The following SEMA4G variants were observed in gnomAD, a reference collection of about 807,000 sequenced individuals.
SEMA4G encodes the protein semaphorin 4G, also known as semaphorin-4G.
SEMA4G carries 59 observed loss-of-function variants against 81.2 expected under a neutral mutation model. The ratio of observed to expected loss-of-function variants is 0.73; its 90% CI spans 0.59 to 0.90. SEMA4G has a LOEUF of 0.90. Ranked by LOEUF, SEMA4G falls within the 40% of genes least tolerant of loss-of-function variation. The pLI, the probability that SEMA4G is intolerant of heterozygous loss-of-function variation, is 0.00. For synonymous variants in SEMA4G, 404 were observed against 433.9 expected (o/e 0.93, Z 0.86); for missense variants, 952 against 1,102.3 (o/e 0.86, Z 1.93).
chr10:100,971,347 C>A (rs1310755005), upstream of SEMA4G, among the ~76,000 whole-genome samples: 2 of 152,180 alleles, frequency 1.3e-5, no homozygotes, highest in African/African-American at 2.4e-5. Flanking sequence ...GGGGCATGGC[C>A]GGCTTGCCTG....
intron 12 of SEMA4G, 70 bp downstream of exon 13, chr10:100,981,067 G>A: frequency 6.3e-7 from 1 of 1,599,252 alleles, no homozygotes; most frequent in Non-Finnish European, 8.6e-7. Flanking sequence ...AGCTACTGGG[G>A]GAGTGCAGGG....
At chr10:100,972,113 CA>C (rs1850652492), upstream of SEMA4G, among the ~76,000 whole-genome samples, 1 of 152,158 alleles carries the variant, frequency 6.6e-6, no homozygotes, top group African/African-American at 2.4e-5. Flanking sequence ...ACAAAATAAA[CA>C]AAGGTCCATT....
chr10:100,984,309 T>A, exon 14 of SEMA4G: 4 of 1,438,650 alleles, frequency 2.8e-6, no homozygotes, highest in Non-Finnish European at 3.6e-6. Flanking sequence ...CTCCTCAGTC[T>A]CCACAGACCC....
At chr10:100,981,072 G>A in intron 12 of SEMA4G, 75 bp downstream of exon 13, 1 of 1,599,972 alleles carries the variant, frequency 6.3e-7, no homozygotes, top group Non-Finnish European at 8.6e-7. Flanking sequence ...CTGGGGGAGT[G>A]CAGGGGCTAG....
intron 4 of SEMA4G, 89 bp from the exon 6 acceptor site, chr10:100,978,206 G>A (rs924762062): frequency 3.3e-5 from 30 of 900,862 alleles, no homozygotes; most frequent in African/African-American, 8.3e-5. Flanking sequence ...ATCCCTGATC[G>A]CTGATCCCTG....
chr10:100,969,799 G>A (rs1372291222), upstream of SEMA4G: 4 of 446,936 alleles, frequency 8.9e-6, no homozygotes, highest in African/African-American at 2.0e-5. Flanking sequence ...CCACCACGGA[G>A]TCGGGGACCA....
chr10:100,979,940 C>T (rs1339531318), exon 9 of SEMA4G: 1 of 1,613,942 alleles, frequency 6.2e-7, no homozygotes, highest in Admixed American at 1.7e-5. Context: ...CAGGATGGTT[C>T]CCGGCGCTGG....
In SEMA4G at chr10:100,973,330, C is replaced by T; in HGVS notation, c.273+53C>T. On this transcript the variant is annotated intron_variant, in intron 2 of 13. Transcript: ENST00000370250. The surrounding 1 kb of genome is among the most constrained non-coding windows in gnomAD (Gnocchi z 5.5). Reference sequence around the variant, plus strand: ...GAGGGTCTCTATGCTTATCCAGCTCCCTGGGACCTCAACTTCCTTAAAACC... The same window carrying T: ...GAGGGTCTCTATGCTTATCCAGCTCTCTGGGACCTCAACTTCCTTAAAACC... 6.3e-7 allele frequency: 1 copy of T among 1,599,376 alleles called. No homozygotes were observed. The highest frequency in any genetic ancestry group is 2.2e-5 in the East Asian group (1 of 44,602).
At chr10:100,976,231 G>A (rs1428296115) in intron 3 of SEMA4G, among the ~76,000 whole-genome samples, 1 of 152,224 alleles carries the variant, frequency 6.6e-6, no homozygotes, top group East Asian at 1.9e-4. Flanking sequence ...CATTTGACAG[G>A]CAGAGAAGAC....
chr10:100,978,437 GATCTC>G (rs1447521901), intron 5 of SEMA4G, 49 bp downstream of exon 6: 2 of 1,600,608 alleles, frequency 1.2e-6, no homozygotes, highest in Admixed American at 1.7e-5. Flanking sequence ...TTAGGATGTG[GATCTC>G]ATCTCTAGGA....
chr10:100,977,221 C>T (rs915651509), intron 3 of SEMA4G, among the ~76,000 whole-genome samples: 4 of 152,114 alleles, frequency 2.6e-5, no homozygotes, highest in Non-Finnish European at 4.4e-5. Flanking sequence ...AGCAAGCTGG[C>T]ATCTAGGGAT....
Position 100,973,552 on chromosome 10 carries a change from C to A in SEMA4G, c.279C>A (p.His93Gln). Reference sequence around the variant, plus strand: ...ATTCCCTTTGCCTCCACTAGATCCACTGGGAAGCCTCCCCAGAGATGCAAA... The same window carrying A: ...ATTCCCTTTGCCTCCACTAGATCCAATGGGAAGCCTCCCCAGAGATGCAAA... Residue 93 changes from histidine to glutamine, a missense_variant, in exon 3 of 14, where the codon CAC becomes CAA. Physicochemically the swap from His to Gln is conservative, Grantham distance 24 (BLOSUM62 0). This residue lies in a region of SEMA4G where 436 missense variants were observed against 488.2 expected (regional missense o/e 0.89). Coordinates refer to ENST00000370250, the Ensembl canonical transcript of SEMA4G. The surrounding 1 kb of genome is among the most constrained non-coding windows in gnomAD (Gnocchi z 5.5). 6.2e-7 allele frequency: 1 copy of A among 1,614,114 alleles called. No homozygotes were observed. The highest frequency in any genetic ancestry group is 8.5e-7 in the Non-Finnish European group (1 of 1,179,992).
exon 14 of SEMA4G, chr10:100,983,814 T>A: frequency 6.2e-7 from 1 of 1,602,816 alleles, no homozygotes. Context: ...CTCAGGCCAG[T>A]GTCCTGGAGA....
intron 3 of SEMA4G, among the ~76,000 whole-genome samples, chr10:100,975,889 C>T (rs1440593086): frequency 6.6e-6 from 1 of 152,014 alleles, no homozygotes; most frequent in Admixed American, 6.6e-5. Context: ...CAGAGCAAGA[C>T]TCCGTCTCAA....
chr10:100,970,293 CGCCCCGCCCACTTA>C (rs1394038305), upstream of SEMA4G, among the ~76,000 whole-genome samples: 3 of 152,016 alleles, frequency 2.0e-5, no homozygotes, highest in East Asian at 5.8e-4. Flanking sequence ...TGATATGCTC[CGCCCCGCCCACTTA>C]GCCCCGCCCC....
At chr10:100,972,376 C>T (rs980067302), upstream of SEMA4G, among the ~76,000 whole-genome samples, 7 of 151,986 alleles carry the variant, frequency 4.6e-5, no homozygotes, top group African/African-American at 1.5e-4. Flanking sequence ...CAGAGCAAAG[C>T]GATAGACAGA....
exon 14 of SEMA4G, chr10:100,984,835 C>T (rs1284040676): frequency 6.6e-7 from 1 of 1,512,806 alleles, no homozygotes; most frequent in African/African-American, 1.4e-5. Context: ...CCTCTCCCTT[C>T]CTGTGTGGCC....
At chr10:100,984,830 CCCTT>C (rs1442168150) in exon 14 of SEMA4G, 15 of 1,522,106 alleles carry the variant, frequency 9.9e-6, no homozygotes, top group African/African-American at 2.7e-5. Context: ...CCCCTCCTCT[CCCTT>C]CCTGTGTGGC....
At chr10:100,971,633 A>G (rs376996647), upstream of SEMA4G, among the ~76,000 whole-genome samples, 1 of 152,122 alleles carries the variant, frequency 6.6e-6, no homozygotes, top group Non-Finnish European at 1.5e-5. Flanking sequence ...GATGGAATGT[A>G]TTAGGTCTCT....
Sources: gnomAD v4.1 joint callset for allele counts (sites outside exome capture counted in the v4.1 genomes callset) on GRCh38, gnomAD v4.1.1 for gene constraint, gnomAD v4.1.1 regional missense constraint, Gnocchi (gnomAD v3.1) non-coding constraint, MANE v1.5 for transcripts, NCBI Gene and HGNC (gene_info 2026-07-23, HGNC 2026-07-21) for gene names.